SAMSN1: variants seen among roughly 807,000 people sequenced by gnomAD.
SAMSN1 encodes SAM domain-containing protein SAMSN-1.
A neutral mutation model predicts 42.0 loss-of-function variants in SAMSN1; 31 were observed. That is an observed-to-expected ratio of 0.74 (90% confidence interval 0.55 to 1.00). The LOEUF is 1.00. Ranked by LOEUF, SAMSN1 falls within the 50% of genes least tolerant of loss-of-function variation. The probability of loss-of-function intolerance (pLI) is 0.00; values close to 1 mark genes in which losing one functional copy is unlikely to be tolerated. For missense variants in SAMSN1, 464 were observed against 439.4 expected, an observed-to-expected ratio of 1.06 and a Z score of -0.50; for synonymous variants, 178 against 151.9, an observed-to-expected ratio of 1.17 and a Z score of -1.26.
intron 2 of SAMSN1, among the ~76,000 whole-genome samples, chr21:14,627,903 A>C (rs1983225991): frequency 1.3e-5 from 2 of 152,182 alleles, no homozygotes; most frequent in Non-Finnish European, 2.9e-5. Flanking sequence ...TGTGATACAG[A>C]AAAGGGGTTT....
intron 5 of SAMSN1, among the ~76,000 whole-genome samples, chr21:14,603,875 C>T (rs1024899975): frequency 6.6e-6 from 1 of 152,186 alleles, no homozygotes; most frequent in African/African-American, 2.4e-5. Context: ...GTTGAAGTCA[C>T]CTGAGACTTT....
At chr21:14,514,725 T>C (rs1208317618) in intron 3 of SAMSN1, among the ~76,000 whole-genome samples, 1 of 152,182 alleles carries the variant, frequency 6.6e-6, no homozygotes, top group African/African-American at 2.4e-5. Context: ...CTGCTGCCAC[T>C]GGGAATACTG....
intron 6 of SAMSN1, among the ~76,000 whole-genome samples, chr21:14,600,960 C>A (rs1052024623): frequency 6.6e-6 from 1 of 152,138 alleles, no homozygotes. Flanking sequence ...TCTTAACTAC[C>A]AGACATAGAA....
intron 5 of SAMSN1, among the ~76,000 whole-genome samples, chr21:14,509,612 C>G (rs1987585283): frequency 6.6e-6 from 1 of 152,212 alleles, no homozygotes; most frequent in Non-Finnish European, 1.5e-5. Context: ...CTCTGCTCAG[C>G]TCTCGCCTGA....
In SAMSN1 at chr21:14,524,379, CA is replaced by C. The variant is rs1450042636; in HGVS notation, c.58-3159del. On this transcript the variant is annotated intron_variant, in intron 1 of 7. Coordinates refer to ENST00000400566, the MANE Select transcript of SAMSN1 (RefSeq NM_022136.5). ...GAGTTATTATATAAATAAGCAGTGT[CA>C]AAAAGAAGATGAGCTTAAATAAAAA... is the stretch of plus-strand genomic sequence containing the variant. 2.5e-4 allele frequency among the ~76,000 whole-genome samples: 38 copies of C among 152,068 alleles called. No homozygotes were observed. The East Asian group carries it at 7.3e-3, about 29-fold the overall frequency.
At chr21:14,550,563 C>G (rs539527719), upstream of SAMSN1, among the ~76,000 whole-genome samples, 3 of 152,082 alleles carry the variant, frequency 2.0e-5, no homozygotes, top group Non-Finnish European at 4.4e-5. Context: ...AAAAACGGAC[C>G]TGAAGTCTAC....
chr21:14,577,355 C>A lies in SAMSN1; in HGVS notation c.261+4781G>T, dbSNP rs140383981. 4.3e-4 allele frequency among the ~76,000 whole-genome samples: 62 copies of A among 142,850 alleles called. 1 individual carries two copies. The highest frequency in any genetic ancestry group is 7.6e-4 in the Non-Finnish European group (50 of 66,072). 93.7% of individuals were successfully genotyped at this position (142,850 alleles called of 152,430 possible). A position where few individuals can be genotyped will look rare whatever the true frequency, so the allele number is the denominator to read the frequency against. Reference sequence around the variant, plus strand: ...GTCTCGATCTCCTGACCTCATGATCCGCCTGCCTCAGCCTCCCAAAGTGCT... The same window carrying A: ...GTCTCGATCTCCTGACCTCATGATCAGCCTGCCTCAGCCTCCCAAAGTGCT... On this transcript the variant is annotated intron_variant, in intron 2 of 8. Transcript: ENST00000285670.
At chr21:14,602,597 A>G (rs965690043) in intron 5 of SAMSN1, among the ~76,000 whole-genome samples, 2 of 152,234 alleles carry the variant, frequency 1.3e-5, no homozygotes, top group African/African-American at 4.8e-5. Flanking sequence ...GCTTGCAGCT[A>G]AATGAAACCT....
intron 2 of SAMSN1, among the ~76,000 whole-genome samples, chr21:14,519,396 C>G (rs1978325606): frequency 6.6e-6 from 1 of 151,990 alleles, no homozygotes; most frequent in Admixed American, 6.6e-5. Flanking sequence ...GAATTATAAA[C>G]TAAATAGCAG....
upstream of SAMSN1, among the ~76,000 whole-genome samples, chr21:14,587,890 T>TC (rs1313118931): frequency 1.0e-5 from 1 of 97,410 alleles, no homozygotes; most frequent in Non-Finnish European, 2.0e-5. Context: ...ATGCTATCCC[T>TC]CCCCCCTCCC....
intron 2 of SAMSN1, among the ~76,000 whole-genome samples, chr21:14,621,911 C>T (rs769956508): frequency 6.6e-6 from 1 of 152,156 alleles, no homozygotes; most frequent in African/African-American, 2.4e-5. Flanking sequence ...GGCTGGGTAC[C>T]CCTCTGAGAT....
intron 2 of SAMSN1, among the ~76,000 whole-genome samples, chr21:14,568,867 A>C (rs1296118956): frequency 6.6e-6 from 1 of 152,186 alleles, no homozygotes; most frequent in South Asian, 2.1e-4. Flanking sequence ...AACCTCCTTC[A>C]TAGTATCTTA....
intron 4 of SAMSN1, among the ~76,000 whole-genome samples, chr21:14,610,087 C>T (rs1319354163): frequency 1.3e-5 from 2 of 152,130 alleles, no homozygotes; most frequent in African/African-American, 4.8e-5. Flanking sequence ...AGGATAACAG[C>T]AATTTTCTGG....
intron 2 of SAMSN1, among the ~76,000 whole-genome samples, chr21:14,629,860 C>A (rs777635645): frequency 6.6e-6 from 1 of 152,114 alleles, no homozygotes; most frequent in African/African-American, 2.4e-5. Context: ...TAAAAGATTC[C>A]TCCTTTGCAA....
chr21:14,605,894 T>G (rs543496745), intron 5 of SAMSN1, among the ~76,000 whole-genome samples: 1 of 151,714 alleles, frequency 6.6e-6, no homozygotes, highest in Admixed American at 6.6e-5. Context: ...CAGGCTGGAG[T>G]GCAGTGGCGC....
chr21:14,589,540 A>C (rs915679878), intron 7 of SAMSN1, among the ~76,000 whole-genome samples: 1 of 152,124 alleles, frequency 6.6e-6, no homozygotes, highest in Non-Finnish European at 1.5e-5. Flanking sequence ...TTAAGAAGGA[A>C]ATATATAAAT....
At chr21:14,525,162 C>G (rs1978762054) in intron 1 of SAMSN1, among the ~76,000 whole-genome samples, 1 of 152,202 alleles carries the variant, frequency 6.6e-6, no homozygotes, top group African/African-American at 2.4e-5. Context: ...TGGATCCAGG[C>G]AATGATCATC....
At chr21:14,589,187 C>G (rs983092761) in intron 7 of SAMSN1, among the ~76,000 whole-genome samples, 1 of 151,914 alleles carries the variant, frequency 6.6e-6, no homozygotes, top group Non-Finnish European at 1.5e-5. Flanking sequence ...ATTAGTCCTA[C>G]GATCATATTT....
At chr21:14,506,892 T>G (rs1180853414) in intron 5 of SAMSN1, among the ~76,000 whole-genome samples, 1 of 152,134 alleles carries the variant, frequency 6.6e-6, no homozygotes, top group Non-Finnish European at 1.5e-5. Flanking sequence ...GTTTAATATA[T>G]GCACTTCAAT....
Sources: allele counts gnomAD v4.1 joint callset (sites outside exome capture counted in the v4.1 genomes callset), GRCh38; gene constraint gnomAD v4.1.1; transcripts MANE v1.5; gene names NCBI Gene and HGNC (gene_info 2026-07-23, HGNC 2026-07-21).